The following PCLO variants were observed in gnomAD, a reference collection of about 807,000 sequenced individuals.
PCLO encodes the protein piccolo presynaptic cytomatrix protein, also known as protein piccolo.
PCLO carries 82 observed loss-of-function variants against 427.5 expected under a neutral mutation model. The observed-to-expected ratio is 0.19, with a 90% CI of 0.16 to 0.23. The LOEUF (loss-of-function observed/expected upper bound fraction) is 0.23, where lower values mean the gene tolerates loss of function less well. PCLO is among the 10% of genes least tolerant of loss of function. The probability of loss-of-function intolerance (pLI) is 1.00; values close to 1 mark genes in which losing one functional copy is unlikely to be tolerated. For missense variants in PCLO, 6,239 were observed against 6,115.9 expected (o/e 1.02, Z -0.67); for synonymous variants, 2,357 against 2,155.4 (o/e 1.09, Z -2.59).
intron 20 of PCLO, among the ~76,000 whole-genome samples, chr7:82,814,286 A>G (rs1033484379): frequency 1.3e-5 from 2 of 151,624 alleles, no homozygotes; most frequent in African/African-American, 4.8e-5. Flanking sequence ...ATGAGAAAGG[A>G]AAGAAGGGGT....
chr7:82,810,726 A>G (rs898893325), intron 20 of PCLO, among the ~76,000 whole-genome samples: 4 of 151,608 alleles, frequency 2.6e-5, no homozygotes, highest in African/African-American at 9.7e-5. Context: ...GCTAACCTTA[A>G]TTAAATCGGT....
At chr7:82,971,168 A>C (rs1053188332) in intron 3 of PCLO, among the ~76,000 whole-genome samples, 1 of 151,896 alleles carries the variant, frequency 6.6e-6, no homozygotes, top group Admixed American at 6.6e-5. Context: ...AGCAACCTGG[A>C]AATCAATTAA....
In PCLO at chr7:82,915,222, A is replaced by G; in HGVS notation, c.12764T>C (p.Phe4255Ser). Residue 4255 changes from phenylalanine to serine, a missense_variant, in exon 7 of 25, where the codon TTT (phenylalanine) becomes TCT (serine). This residue lies in a region of PCLO where 680 missense variants were observed against 677.3 expected (regional missense o/e 1.00). Transcript: ENST00000333891. ...TCCTGTGCCAAGAGAAGATCCCATA[A>G]ATTTTTGTTGGTCTGTAATATTTTT... The part of the protein sequence containing the change: ...LRKNITDQQK[F>S]MGSSLGTGLG... 3 of 1,613,082 alleles carry G rather than the reference A, an allele frequency of 1.9e-6. No homozygotes were observed. Among genetic ancestry groups the G allele is most frequent in the Non-Finnish European group, 2.5e-6 (3 of 1,179,584 alleles).
intron 22 of PCLO, among the ~76,000 whole-genome samples, chr7:82,772,211 A>G (rs1156735117): frequency 6.6e-6 from 1 of 152,164 alleles, no homozygotes; most frequent in African/African-American, 2.4e-5. Context: ...CTTTTGGAAG[A>G]AAGTAATTTA....
chr7:82,838,755 C>T (rs1792293800), intron 14 of PCLO, among the ~76,000 whole-genome samples: 1 of 151,570 alleles, frequency 6.6e-6, no homozygotes, highest in South Asian at 2.1e-4. Context: ...TTGCATTTTG[C>T]CAAATAATTA....
intron 3 of PCLO, among the ~76,000 whole-genome samples, chr7:82,993,167 C>A (rs890811342): frequency 4.0e-5 from 6 of 151,860 alleles, no homozygotes; most frequent in Non-Finnish European, 7.4e-5. Flanking sequence ...ATATTCAATG[C>A]AACTTAATAT....
At chr7:83,018,957 C>T (rs114831727) in intron 3 of PCLO, among the ~76,000 whole-genome samples, 3,161 of 151,920 alleles carry the variant, frequency 0.021, 106 homozygotes, top group African/African-American at 0.071. Flanking sequence ...GAAGAAAATA[C>T]CTTTTTGGAA....
rs574372686 is a variant in PCLO at position 82,848,460 on chromosome 7, G to A, written c.13655-1213C>T. Among the ~76,000 whole-genome samples the A allele has an allele frequency of 3.1e-3, 477 of 151,722 alleles. 1 individual carries two copies. Among genetic ancestry groups the A allele is most frequent in the African/African-American group, 9.2e-3 (379 of 41,406 alleles). The stretch of plus-strand genomic sequence containing the variant: ...CAAGTAGCTGGGATTACAGGTGTGC[G>A]CCACCACGCCTGGCTAATTTTTGTA... On this transcript the variant is annotated intron_variant, in intron 10 of 24. Coordinates refer to ENST00000333891, the MANE Select transcript of PCLO (RefSeq NM_033026.6).
intron 18 of PCLO, among the ~76,000 whole-genome samples, chr7:82,824,675 A>G (rs1562802914): frequency 6.6e-6 from 1 of 151,170 alleles, no homozygotes; most frequent in Non-Finnish European, 1.5e-5. Context: ...TTATTTGGAT[A>G]TGATGTTAAA....
At chr7:83,003,357 A>G (rs1787871110) in intron 3 of PCLO, among the ~76,000 whole-genome samples, 1 of 151,836 alleles carries the variant, frequency 6.6e-6, no homozygotes, top group East Asian at 1.9e-4. Flanking sequence ...AAGATTTCTT[A>G]TAAATGCATA....
intron 9 of PCLO, among the ~76,000 whole-genome samples, chr7:82,901,956 G>C (rs542373963): frequency 6.6e-5 from 10 of 151,464 alleles, no homozygotes; most frequent in African/African-American, 2.4e-4. Flanking sequence ...GGAGAAACAG[G>C]AACACTTTTA....
At chr7:82,885,626 A>G (rs1489717720) in intron 9 of PCLO, among the ~76,000 whole-genome samples, 1 of 152,156 alleles carries the variant, frequency 6.6e-6, no homozygotes, top group Non-Finnish European at 1.5e-5. Context: ...AATGTGCAAG[A>G]CATTTGTGTT....
At chr7:83,130,440 G>A (rs993045215) in intron 3 of PCLO, among the ~76,000 whole-genome samples, 3 of 152,130 alleles carry the variant, frequency 2.0e-5, no homozygotes, top group Non-Finnish European at 4.4e-5. Context: ...GCCTCCCAGA[G>A]TGCTGGCATT....
At chr7:83,012,399 C>T (rs1788102830) in intron 3 of PCLO, among the ~76,000 whole-genome samples, 1 of 151,928 alleles carries the variant, frequency 6.6e-6, no homozygotes, top group Admixed American at 6.6e-5. Context: ...GGGCGGATCA[C>T]CTGAGGTCAG....
chr7:83,161,455 C>G (rs1792434564), intron 1 of PCLO, among the ~76,000 whole-genome samples: 1 of 152,130 alleles, frequency 6.6e-6, no homozygotes, highest in Non-Finnish European at 1.5e-5. Flanking sequence ...AATGATTATA[C>G]CCCTCTCAGT....
At chr7:82,848,339 C>A (rs1030338002) in intron 10 of PCLO, among the ~76,000 whole-genome samples, 2 of 110,018 alleles carry the variant, frequency 1.8e-5, no homozygotes, top group African/African-American at 6.1e-5. Context: ...TTAAACAGGT[C>A]CCACTCTGTC....
At position 83,097,186 on chromosome 7, in the gene PCLO, ATAT is replaced by A. The variant is rs1271031327; in HGVS notation, c.3300+37061_3300+37063del. On this transcript the variant is annotated intron_variant, in intron 3 of 24. Transcript: ENST00000333891. Reference sequence around the variant, plus strand: ...TATATAAATATATATTATATATTATATATTATATTATTATATAAATTATATAAA... The same window carrying A: ...TATATAAATATATATTATATATTATATATATTATTATATAAATTATATAAA... Among the ~76,000 whole-genome samples, 2 of 72,426 alleles carry A rather than the reference ATAT, an allele frequency of 2.8e-5. 1 individual carries two copies. The highest frequency in any genetic ancestry group is 5.5e-4 in the Admixed American group (2 of 3,626). 47.5% of individuals were successfully genotyped at this position (72,426 alleles called of 152,430 possible).
chr7:83,100,667 G>A (rs1790715490), intron 3 of PCLO, among the ~76,000 whole-genome samples: 2 of 152,086 alleles, frequency 1.3e-5, no homozygotes, highest in Admixed American at 6.6e-5. Context: ...GATGGAGGGT[G>A]AGAGAAGCTA....
chr7:83,117,097 T>C (rs147482973), intron 3 of PCLO, among the ~76,000 whole-genome samples: 1 of 152,236 alleles, frequency 6.6e-6, no homozygotes, highest in African/African-American at 2.4e-5. Context: ...TTAAAAGGAG[T>C]TACTGAAAAC....
Sources: allele counts gnomAD v4.1 joint callset (sites outside exome capture counted in the v4.1 genomes callset), GRCh38; gene constraint gnomAD v4.1.1; regional missense constraint gnomAD v4.1.1; transcripts MANE v1.5; gene names NCBI Gene and HGNC (gene_info 2026-07-23, HGNC 2026-07-21).